HMCN2: variants seen among roughly 807,000 people sequenced by gnomAD.
HMCN2 encodes hemicentin-2.
A neutral mutation model predicts 377.5 loss-of-function variants in HMCN2; 325 were observed. That is an observed-to-expected ratio of 0.86 (90% CI 0.79 to 0.94). The LOEUF (loss-of-function observed/expected upper bound fraction) is 0.94, where lower values mean the gene tolerates loss of function less well. HMCN2 is among the 40% of genes least tolerant of loss of function. The pLI is 0.00. For missense variants in HMCN2, 4,543 were observed against 4,725.3 expected, an observed-to-expected ratio of 0.96 and a Z score of 1.13; for synonymous variants, 2,007 against 2,046.8, an observed-to-expected ratio of 0.98 and a Z score of 0.53.
At chr9:130,396,090 C>T in intron 72 of HMCN2, 25 bp downstream of exon 72, 2 of 1,246,380 alleles carry the variant, frequency 1.6e-6, no homozygotes, top group South Asian at 1.3e-5. Context: ...CCCCACCCCA[C>T]CCTGCCCACC....
intron 25 of HMCN2, among the ~76,000 whole-genome samples, chr9:130,345,287 G>A (rs2131496457): frequency 6.7e-6 from 1 of 149,202 alleles, no homozygotes; most frequent in South Asian, 2.2e-4. Flanking sequence ...TGTATGGTGT[G>A]TACGTGGTGT....
intron 48 of HMCN2, among the ~76,000 whole-genome samples, chr9:130,373,387 A>C (rs751307423): frequency 6.6e-6 from 1 of 152,184 alleles, no homozygotes; most frequent in African/African-American, 2.4e-5. Flanking sequence ...CCTAAGGCTC[A>C]GTGGGCCATC....
intron 73 of HMCN2, 140 bp downstream of exon 73, chr9:130,396,453 C>A: frequency 3.3e-6 from 2 of 610,782 alleles, no homozygotes; most frequent in Non-Finnish European, 4.8e-6. Flanking sequence ...CAAGGACAGG[C>A]CCACCACTCA....
rs1844165040 is a variant in HMCN2, at chr9:130,423,950, AAT to A, written c.13382-823_13382-822del. On this transcript the variant is annotated intron_variant, in intron 87 of 97. Coordinates refer to ENST00000683500, the MANE Select transcript of HMCN2 (RefSeq NM_001291815.2). The surrounding 1 kb of genome is among the most constrained non-coding windows in gnomAD (Gnocchi z 5.5). ...AATCGGTATTTGTTGAACTGAGTTA[AAT>A]ATCAACAAGGTACATGCATTTATTT... Among the ~76,000 whole-genome samples the A allele has an allele frequency of 6.6e-6, 1 of 152,074 alleles. No individual in the cohort carries two copies. The highest frequency in any genetic ancestry group is 1.5e-5 in the Non-Finnish European group (1 of 68,018).
chr9:130,392,206 G>C, intron 66 of HMCN2, 88 bp downstream of exon 66: 1 of 933,362 alleles, frequency 1.1e-6, no homozygotes, highest in Non-Finnish European at 1.3e-6. Flanking sequence ...TGGAAGCCAG[G>C]ACTGGCTGCA....
intron 84 of HMCN2, among the ~76,000 whole-genome samples, chr9:130,410,102 G>T: frequency 6.6e-6 from 1 of 152,200 alleles, no homozygotes; most frequent in East Asian, 1.9e-4. Flanking sequence ...CTGCCATCCT[G>T]TTCATACAAC....
Position 130,416,973 on chromosome 9 carries a change from C to T in HMCN2, c.12962-1799C>T, listed in dbSNP as rs373851523. ...TGTTGCCCAGGCTGGAGTGCAGTGG[C>T]GCAATCTCGGCTACTGTAACCTCTG... On this transcript the variant is annotated intron_variant, in intron 85 of 97. Coordinates refer to ENST00000683500, the MANE Select transcript of HMCN2 (RefSeq NM_001291815.2). Among the ~76,000 whole-genome samples, 18 of 151,862 alleles carry T rather than the reference C, an allele frequency of 1.2e-4. No homozygotes were observed. In the East Asian group the frequency reaches 3.1e-3, roughly 26 times the overall value.
At position 130,302,951 on chromosome 9, in the gene HMCN2, G is replaced by C. The variant is rs1554935090; in HGVS notation, c.1371G>C (p.Arg457=). 1 of 470,684 alleles carries C rather than the reference G, an allele frequency of 2.1e-6. No homozygotes were observed. Among genetic ancestry groups the C allele is most frequent in the South Asian group, 1.5e-5 (1 of 64,528 alleles). The allele number at this position is 470,684 out of a possible 1,614,324, so 29.2% of individuals were successfully genotyped here. A position where few individuals can be genotyped will look rare whatever the true frequency, so the allele number is the denominator to read the frequency against. The stretch of plus-strand genomic sequence containing the variant: ...CGGTGCACAGTGCCCTTCCCTTCCG[G>C]CTGCAGCTGCGGCGAGGTGAAGCCA... The part of the protein sequence containing the change: ...SCSVHSALPF[R]LQLRRGEARL... The change falls in exon 9 of 98, where the codon CGG becomes CGC. Residue 457 remains arginine, a synonymous_variant. Coordinates refer to ENST00000683500, the MANE Select transcript of HMCN2 (RefSeq NM_001291815.2).
At chr9:130,340,397 G>A (rs1838982652) in intron 23 of HMCN2, among the ~76,000 whole-genome samples, 1 of 152,244 alleles carries the variant, frequency 6.6e-6, no homozygotes, top group African/African-American at 2.4e-5. Flanking sequence ...ATAAGGAGCT[G>A]AACCAGGATT....
chr9:130,400,097 G>T (rs980498766), intron 76 of HMCN2, among the ~76,000 whole-genome samples: 1 of 152,140 alleles, frequency 6.6e-6, no homozygotes, highest in African/African-American at 2.4e-5. Flanking sequence ...TGCCTTTGCC[G>T]GGAACACTCT....
chr9:130,285,256 C>T lies in HMCN2; in HGVS notation c.429C>T (p.Arg143=), dbSNP rs544869414. Residue 143 remains arginine, a synonymous_variant, in exon 3 of 98, where the codon CGC becomes CGT. Coordinates refer to ENST00000683500, the MANE Select transcript of HMCN2 (RefSeq NM_001291815.2). ...TCATCTACGTCTTTTCGGATGCCCGCGCCAAAGACTATCACAAGAAGGAAG... is the reference window on the plus strand; with the variant it reads ...TCATCTACGTCTTTTCGGATGCCCGTGCCAAAGACTATCACAAGAAGGAAG... The part of the protein sequence containing the change: ...GSFIYVFSDA[R]AKDYHKKEEL... The T allele has an allele frequency of 6.4e-5, 30 of 471,142 alleles. No homozygotes were observed. The highest frequency in any genetic ancestry group is 1.8e-4 in the African/African-American group (9 of 50,188). The allele number at this position is 471,142 out of a possible 1,614,324, so 29.2% of individuals were successfully genotyped here. A position where few individuals can be genotyped will look rare whatever the true frequency, so the allele number is the denominator to read the frequency against.
intron 71 of HMCN2, 119 bp downstream of exon 71, chr9:130,395,466 C>T: frequency 1.2e-6 from 1 of 864,998 alleles, no homozygotes; most frequent in Non-Finnish European, 1.5e-6. Flanking sequence ...CTGCACTTTG[C>T]ACCCTGTTCC....
At chr9:130,404,554 G>A (rs1842996731) in intron 80 of HMCN2, among the ~76,000 whole-genome samples, 1 of 152,350 alleles carries the variant, frequency 6.6e-6, no homozygotes, top group South Asian at 2.1e-4. Flanking sequence ...CCTAGTACAA[G>A]GTCCAAGTGG....
chr9:130,427,551 C>G lies in HMCN2; in HGVS notation c.13997C>G (p.Ala4666Gly), dbSNP rs1252941988. ...PSPCSHACLN[A>G]PGRFSCTCPT... ...CCCTGCTCCCATGCCTGCCTTAATG[C>G]ACCCGGCCGCTTCTCCTGCACCTGC... The change falls in exon 92 of 98, where the codon GCA becomes GGA. Residue 4666 changes from alanine to glycine, a missense_variant. Transcript: ENST00000683500. 2 of 1,550,402 alleles carry G rather than the reference C, an allele frequency of 1.3e-6. No individual in the cohort carries two copies. Among genetic ancestry groups the G allele is most frequent in the Non-Finnish European group, 1.7e-6 (2 of 1,146,994 alleles).
At chr9:130,335,696 G>A (rs1386168700) in intron 22 of HMCN2, among the ~76,000 whole-genome samples, 2 of 152,144 alleles carry the variant, frequency 1.3e-5, no homozygotes, top group African/African-American at 2.4e-5. Flanking sequence ...TAAGGACACT[G>A]AAACTCAGGG....
intron 22 of HMCN2, among the ~76,000 whole-genome samples, chr9:130,331,058 T>G (rs1838399723): frequency 6.7e-6 from 1 of 149,772 alleles, no homozygotes; most frequent in Non-Finnish European, 1.5e-5. Flanking sequence ...CTCGGGAGGC[T>G]GAGGCAGGGG....
chr9:130,398,422 C>T (rs1842713910), intron 74 of HMCN2, 129 bp from the exon 75 acceptor site: 1 of 279,468 alleles, frequency 3.6e-6, no homozygotes, highest in South Asian at 1.3e-4. Context: ...CTCCTGCCCT[C>T]TCCCTCTGTG....
At chr9:130,418,332 G>A (rs963421316) in intron 85 of HMCN2, among the ~76,000 whole-genome samples, 3 of 152,142 alleles carry the variant, frequency 2.0e-5, no homozygotes, top group Non-Finnish European at 2.9e-5. Flanking sequence ...AGACTGAGGC[G>A]GGTGGATCAC....
rs921894069 is a variant in HMCN2 at position 130,425,110 on chromosome 9, G to A, written c.13621G>A (p.Asp4541Asn). 11 of 1,549,536 alleles carry A rather than the reference G, an allele frequency of 7.1e-6. No individual in the cohort carries two copies. The highest frequency in any genetic ancestry group is 9.6e-6 in the Non-Finnish European group (11 of 1,146,630). The change falls in exon 89 of 98, where the codon GAC (aspartate) becomes AAC (asparagine). Residue 4541 changes from aspartate to asparagine, a missense_variant. Physicochemically the swap from Asp to Asn is conservative, Grantham distance 23 (BLOSUM62 1). Around this residue, in one of 5 missense-constraint regions of HMCN2, gnomAD observed 1,155 missense variants for 1,157.7 expected, o/e 1.00. Coordinates refer to ENST00000683500, the MANE Select transcript of HMCN2 (RefSeq NM_001291815.2). ...TGGCGTTGTCCCCGAGAGCCTGGCT[G>A]ACGCAGATCTTCAAGTGCAGGTCGG... ...VNGVVPESLADADLQVQDFEE... is the reference protein window; with the variant it reads ...VNGVVPESLANADLQVQDFEE...
Sources: gnomAD v4.1 joint callset for allele counts (sites outside exome capture counted in the v4.1 genomes callset) on GRCh38, gnomAD v4.1.1 for gene constraint, gnomAD v4.1.1 regional missense constraint, Gnocchi (gnomAD v3.1) non-coding constraint, MANE v1.5 for transcripts, NCBI Gene and HGNC (gene_info 2026-07-23, HGNC 2026-07-21) for gene names.